The following ACP7 variants were observed in gnomAD, a reference collection of about 807,000 sequenced individuals.
The protein encoded by ACP7 is acid phosphatase 7, tartrate resistant (putative).
In ACP7, 58 loss-of-function variants were observed where a neutral mutation model predicts 60.6. That is an observed-to-expected ratio of 0.96 (90% confidence interval 0.77 to 1.19). The LOEUF is 1.19. Among genes scored for constraint, ACP7 ranks in the 50% most tolerant of loss-of-function variants. ACP7 has a pLI of 0.00. For synonymous variants in ACP7, 237 were observed against 232.6 expected (o/e 1.02, Z -0.17); for missense variants, 574 against 596.2 (o/e 0.96, Z 0.39).
chr19:39,098,797 C>G (rs888865810), intron 3 of ACP7, 139 bp downstream of exon 3: 40 of 1,356,910 alleles, frequency 2.9e-5, no homozygotes, highest in Non-Finnish European at 3.8e-5. Context: ...TATGAGACCC[C>G]AGGATGAAAA....
At chr19:39,107,678 G>A (rs781589334) in intron 12 of ACP7, among the ~76,000 whole-genome samples, 1 of 151,680 alleles carries the variant, frequency 6.6e-6, no homozygotes, top group Non-Finnish European at 1.5e-5. Context: ...TTGAAGTCAG[G>A]AGTTAGAGAC....
chr19:39,099,194 A>C, intron 4 of ACP7, 52 bp downstream of exon 4: 2 of 1,254,902 alleles, frequency 1.6e-6, no homozygotes, highest in Non-Finnish European at 2.1e-6. Flanking sequence ...GCGCGCAGGG[A>C]TGGTGGGGGG....
chr19:39,101,442 AC>A, intron 10 of ACP7, 23 bp from the exon 11 acceptor site: 2 of 1,613,798 alleles, frequency 1.2e-6, no homozygotes, highest in Admixed American at 1.7e-5. Context: ...ACTGCCTGCC[AC>A]CCAACGTTGT....
intron 1 of ACP7, 49 bp from the exon 2 acceptor site, chr19:39,085,043 G>T (rs1483987069): frequency 2.9e-5 from 15 of 509,328 alleles, no homozygotes; most frequent in Non-Finnish European, 4.1e-5. Flanking sequence ...GGCTCAGAGA[G>T]CTCTGCTGCT....
At chr19:39,100,507 A>G in intron 5 of ACP7, 73 bp from the exon 6 acceptor site, 1 of 1,600,812 alleles carries the variant, frequency 6.2e-7, no homozygotes, top group Non-Finnish European at 8.6e-7. Flanking sequence ...AGGGCCTGAC[A>G]GTGGCGGGGT....
chr19:39,102,715 T>TTTTC (rs199915190), intron 11 of ACP7, among the ~76,000 whole-genome samples: 3,636 of 118,472 alleles, frequency 0.031, 84 homozygotes, highest in African/African-American at 0.05. Flanking sequence ...CAATGAAGAC[T>TTTTC]TTTCTTTCTT....
intron 2 of ACP7, among the ~76,000 whole-genome samples, chr19:39,092,454 C>T (rs1030851597): frequency 6.6e-6 from 1 of 151,868 alleles, no homozygotes; most frequent in African/African-American, 2.4e-5. Context: ...AAGGTGACAG[C>T]CTTTATGCAC....
chr19:39,090,661 T>A lies in ACP7; in HGVS notation c.121+5271T>A, dbSNP rs577531779. Among the ~76,000 whole-genome samples, 3 of 151,592 alleles carry A rather than the reference T, an allele frequency of 2.0e-5. No homozygotes were observed. In the South Asian group the frequency reaches 6.3e-4, roughly 32 times the overall value. The stretch of plus-strand genomic sequence containing the variant: ...ACTATGCCTGGCAATTTTTGTATTT[T>A]TGTAGAGACAGAGTTTCACCATGTT... On this transcript the variant is annotated intron_variant, in intron 2 of 12. Coordinates refer to ENST00000331256, the MANE Select transcript of ACP7 (RefSeq NM_001004318.3).
chr19:39,107,622 A>G (rs62120482), intron 12 of ACP7, among the ~76,000 whole-genome samples: 23,114 of 148,092 alleles, frequency 0.16, 2,117 homozygotes, highest in Non-Finnish European at 0.21. Context: ...GCGGTGGTTC[A>G]TACCTGAAAT....
Position 39,100,847 on chromosome 19 carries a change from C to A in ACP7, c.801C>A (p.Asp267Glu), listed in dbSNP as rs1419888489. ...VQRQFRWLES[D>E]LQKANKNRAA... The stretch of plus-strand genomic sequence containing the variant: ...GGCAGTTTCGCTGGCTGGAGAGCGA[C>A]CTCCAGGTAACCTGGGTGGAGGCCC... Residue 267 changes from aspartate (D) to glutamate (E), a missense_variant, in exon 7 of 13, where the codon GAC becomes GAA. Transcript: ENST00000331256. The A allele has an allele frequency of 6.2e-7, 1 of 1,613,498 alleles. No individual in the cohort carries two copies.
rs1352053517 is a variant in ACP7 at position 39,098,648 on chromosome 19, G to A, written c.312G>A (p.Gly104=). The A allele has an allele frequency of 6.2e-7, 1 of 1,610,590 alleles. No homozygotes were observed. Among genetic ancestry groups the A allele is most frequent in the Non-Finnish European group, 8.5e-7 (1 of 1,178,228 alleles). ...HRVTLRKLLP[G]VQYVYRCGSA... The stretch of plus-strand genomic sequence containing the variant: ...TCACGCTTCGCAAGCTGCTGCCAGG[G>A]GTTCAGTATGGTGAGAGGGGCCCCA... The change falls in exon 3 of 13, where the codon GGG becomes GGA. Residue 104 remains glycine (G), a synonymous_variant. Coordinates refer to ENST00000331256, the MANE Select transcript of ACP7 (RefSeq NM_001004318.3).
intron 11 of ACP7, 110 bp from the exon 12 acceptor site, chr19:39,106,837 A>C: frequency 1.4e-6 from 2 of 1,393,786 alleles, no homozygotes; most frequent in Non-Finnish European, 2.0e-6. Flanking sequence ...ATGGTGGTCA[A>C]GTCTTCACTG....
intron 11 of ACP7, among the ~76,000 whole-genome samples, chr19:39,106,372 G>T (rs909958832): frequency 7.2e-5 from 11 of 152,190 alleles, no homozygotes; most frequent in Admixed American, 7.2e-4. Context: ...CCTGATGGGC[G>T]TTGGGATGGC....
At chr19:39,095,389 C>T (rs2073254180) in intron 2 of ACP7, among the ~76,000 whole-genome samples, 1 of 152,212 alleles carries the variant, frequency 6.6e-6, no homozygotes, top group African/African-American at 2.4e-5. Context: ...AGTCCAAAAT[C>T]CAGCAGGGCA....
Position 39,098,540 on chromosome 19 carries a change from G to A in ACP7, c.204G>A (p.Gly68=), listed in dbSNP as rs138211024. ...TGCAATTCGGGTTGCAGCCGTCGGG[G>A]CCCCTGCCCCTCCGCGCCCAGGGCA... is the stretch of plus-strand genomic sequence containing the variant. ...SEVQFGLQPS[G]PLPLRAQGTF... Residue 68 remains glycine, a synonymous_variant, in exon 3 of 13, where the codon GGG becomes GGA. Transcript: ENST00000331256. 109 of 1,612,016 alleles carry A rather than the reference G, an allele frequency of 6.8e-5. No individual in the cohort carries two copies. The highest frequency in any genetic ancestry group is 8.8e-5 in the Non-Finnish European group (104 of 1,179,332).
In ACP7 at chr19:39,098,439, T is replaced by C; in HGVS notation, c.122-19T>C. On this transcript the variant is annotated intron_variant, in intron 2 of 12. Transcript: ENST00000331256. ...CCCAGGCTTCACTCCCGGTCTACCC[T>C]CTGTCCCTTTCTCCCCAGGTGAGCC... 6.9e-6 allele frequency: 7 copies of C among 1,018,194 alleles called. No homozygotes were observed. The highest frequency in any genetic ancestry group is 9.5e-6 in the Non-Finnish European group (7 of 733,918). 63.1% of individuals were successfully genotyped at this position (1,018,194 alleles called of 1,614,324 possible).
At chr19:39,096,203 C>A (rs1389374544) in intron 2 of ACP7, among the ~76,000 whole-genome samples, 1 of 152,194 alleles carries the variant, frequency 6.6e-6, no homozygotes, top group African/African-American at 2.4e-5. Flanking sequence ...CATCATCAGG[C>A]TGCAAATTTT....
intron 2 of ACP7, 92 bp from the exon 3 acceptor site, chr19:39,098,366 A>C (rs1395174119): frequency 1.0e-6 from 1 of 955,224 alleles, no homozygotes. Context: ...CTAACTGTTC[A>C]ACAGTGGTCA....
At chr19:39,086,919 T>TTATATAAAAAAAAAATA (rs1481125371) in intron 2 of ACP7, among the ~76,000 whole-genome samples, 5 of 152,206 alleles carry the variant, frequency 3.3e-5, no homozygotes, top group African/African-American at 1.2e-4. Flanking sequence ...TATTAATGTA[T>TTATATAAAAAAAAAATA]ATGATATTTT....
Sources: allele counts gnomAD v4.1 joint callset (sites outside exome capture counted in the v4.1 genomes callset), GRCh38; gene constraint gnomAD v4.1.1; transcripts MANE v1.5; gene names NCBI Gene and HGNC (gene_info 2026-07-23, HGNC 2026-07-21).